The following ANKS1B variants were observed in gnomAD, a reference collection of about 807,000 sequenced individuals.
ANKS1B encodes ankyrin repeat and sterile alpha motif domain-containing protein 1B.
Under a neutral mutation model 148.3 loss-of-function variants are expected in ANKS1B, and 36 were observed. The ratio of observed to expected loss-of-function variants is 0.24; its 90% CI spans 0.19 to 0.32. The LOEUF is 0.32. ANKS1B is among the 10% of genes least tolerant of loss of function. ANKS1B has a pLI of 1.00. For synonymous variants in ANKS1B, 542 were observed against 560.8 expected (o/e 0.97, Z 0.47); for missense variants, 1,157 against 1,542.6 (o/e 0.75, Z 4.19).
At chr12:99,422,290 A>G (rs190656212) in intron 11 of ANKS1B, among the ~76,000 whole-genome samples, 91 of 152,358 alleles carry the variant, frequency 6.0e-4, no homozygotes, top group Admixed American at 3.9e-3. Context: ...ACCAGATTTA[A>G]GAGAAATAAC....
chr12:99,872,413 T>C (rs1292284008), intron 1 of ANKS1B, among the ~76,000 whole-genome samples: 2 of 152,208 alleles, frequency 1.3e-5, no homozygotes, highest in African/African-American at 2.4e-5. Context: ...ATGTATGATA[T>C]ACTTCAATTT....
At chr12:99,194,206 A>C (rs2081114897) in intron 14 of ANKS1B, among the ~76,000 whole-genome samples, 1 of 152,136 alleles carries the variant, frequency 6.6e-6, no homozygotes, top group Admixed American at 6.6e-5. Context: ...TTGAAGACTA[A>C]GCTACATTTG....
At position 99,394,954 on chromosome 12, in the gene ANKS1B, C is replaced by T. The variant is rs149782266; in HGVS notation, c.1756+4677G>A. Among the ~76,000 whole-genome samples, 87 of 152,282 alleles carry T rather than the reference C, an allele frequency of 5.7e-4. No homozygotes were observed. In the East Asian group the frequency reaches 0.012, roughly 21 times the overall value. ...TTCCCCAAATCTCTTGTGTGTCAAA[C>T]GATAGGAAATTCATTCTTACAGTTG... On this transcript the variant is annotated intron_variant, in intron 12 of 26. Transcript: ENST00000683438.
intron 1 of ANKS1B, among the ~76,000 whole-genome samples, chr12:99,868,547 C>CA (rs144732976): frequency 0.064 from 9,664 of 151,678 alleles, 340 homozygotes; most frequent in Middle Eastern, 0.16. Context: ...CAGAAAACCC[C>CA]AAAATAATCT....
chr12:99,502,718 CAT>C (rs1004984050), intron 10 of ANKS1B, among the ~76,000 whole-genome samples: 4 of 152,216 alleles, frequency 2.6e-5, no homozygotes, highest in South Asian at 2.1e-4. Context: ...TTGTAAGAAT[CAT>C]ATGGAATAAT....
chr12:99,369,857 T>C lies in ANKS1B; in HGVS notation c.1756+29774A>G, dbSNP rs988523893. Among the ~76,000 whole-genome samples, 18 of 146,812 alleles carry C rather than the reference T, an allele frequency of 1.2e-4. No homozygotes were observed. The East Asian group carries it at 1.4e-3, about 11-fold the overall frequency. The stretch of plus-strand genomic sequence containing the variant: ...AGACAGACAGACAGAGACAGATAGA[T>C]AGATAGATAGATAGATAGATAGATA... On this transcript the variant is annotated intron_variant, in intron 12 of 26. Coordinates refer to ENST00000683438, the MANE Select transcript of ANKS1B (RefSeq NM_001352186.2).
chr12:99,668,078 T>C (rs2098518280), intron 8 of ANKS1B, among the ~76,000 whole-genome samples: 1 of 152,200 alleles, frequency 6.6e-6, no homozygotes, highest in Non-Finnish European at 1.5e-5. Context: ...TATCTTTTAT[T>C]TTCTAAAAGG....
intron 12 of ANKS1B, among the ~76,000 whole-genome samples, chr12:99,331,015 C>A (rs574682370): frequency 1.3e-5 from 2 of 151,914 alleles, no homozygotes; most frequent in Non-Finnish European, 2.9e-5. Context: ...TTAAACAATG[C>A]ATTGATGAAT....
chr12:99,490,541 G>A (rs2096545261), intron 10 of ANKS1B, among the ~76,000 whole-genome samples: 1 of 152,056 alleles, frequency 6.6e-6, no homozygotes, highest in Non-Finnish European at 1.5e-5. Flanking sequence ...TAACACCTAA[G>A]AATAACCTAG....
chr12:99,031,749 A>G (rs1455130787), intron 17 of ANKS1B, among the ~76,000 whole-genome samples: 2 of 152,186 alleles, frequency 1.3e-5, no homozygotes, highest in Non-Finnish European at 2.9e-5. Flanking sequence ...AAAGACAGAA[A>G]GGCTCTGGTC....
chr12:98,945,511 A>ACC (rs764723736), intron 17 of ANKS1B, among the ~76,000 whole-genome samples: 3 of 115,004 alleles, frequency 2.6e-5, no homozygotes, highest in Non-Finnish European at 5.5e-5. Flanking sequence ...CAAACAAAAA[A>ACC]AAAAAAAAAA....
At chr12:99,510,845 C>T (rs2096758283) in intron 9 of ANKS1B, among the ~76,000 whole-genome samples, 1 of 151,886 alleles carries the variant, frequency 6.6e-6, no homozygotes, top group Non-Finnish European at 1.5e-5. Flanking sequence ...ACATTGTTCC[C>T]TTATTTTAAG....
At chr12:98,779,405 C>T (rs1417596936) in intron 24 of ANKS1B, among the ~76,000 whole-genome samples, 1 of 152,096 alleles carries the variant, frequency 6.6e-6, no homozygotes, top group African/African-American at 2.4e-5. Flanking sequence ...CAGCCATACC[C>T]CCAAAATCAT....
chr12:99,302,913 C>G (rs1199732835), intron 12 of ANKS1B, among the ~76,000 whole-genome samples: 1 of 152,096 alleles, frequency 6.6e-6, no homozygotes, highest in Non-Finnish European at 1.5e-5. Context: ...AACTAAATTT[C>G]AAAAGAGCTT....
chr12:99,715,483 C>T (rs540939934), intron 8 of ANKS1B, among the ~76,000 whole-genome samples: 1 of 152,298 alleles, frequency 6.6e-6, no homozygotes, highest in African/African-American at 2.4e-5. Context: ...ACCCCTATCT[C>T]CCTTCGCTGA....
At chr12:99,519,950 G>T (rs2096858596) in intron 9 of ANKS1B, among the ~76,000 whole-genome samples, 1 of 152,034 alleles carries the variant, frequency 6.6e-6, no homozygotes, top group African/African-American at 2.4e-5. Context: ...ACTAATGAAG[G>T]CTCTACACTT....
At chr12:99,895,580 T>A (rs1431947427) in intron 1 of ANKS1B, among the ~76,000 whole-genome samples, 2 of 150,954 alleles carry the variant, frequency 1.3e-5, no homozygotes, top group East Asian at 3.9e-4. Context: ...AAAACAAACT[T>A]GACTAAATCA....
At chr12:99,147,240 G>A (rs1601029067) in intron 15 of ANKS1B, among the ~76,000 whole-genome samples, 1 of 152,092 alleles carries the variant, frequency 6.6e-6, no homozygotes, top group East Asian at 1.9e-4. Context: ...AGAACTGAGA[G>A]CTAAAAAAAG....
chr12:99,025,179 G>A (rs1411969404), intron 17 of ANKS1B, among the ~76,000 whole-genome samples: 1 of 152,052 alleles, frequency 6.6e-6, no homozygotes, highest in Non-Finnish European at 1.5e-5. Context: ...CTCAGAATAC[G>A]ATTCATACAT....
Sources: allele counts gnomAD v4.1 joint callset (sites outside exome capture counted in the v4.1 genomes callset), GRCh38; gene constraint gnomAD v4.1.1; transcripts MANE v1.5; gene names NCBI Gene and HGNC (gene_info 2026-07-23, HGNC 2026-07-21).